The following PCSK6 variants were observed in gnomAD, a reference collection of about 807,000 sequenced individuals.
PCSK6 encodes proprotein convertase subtilisin/kexin type 6, also known as paired basic amino acid cleaving enzyme 4.
A neutral mutation model predicts 123.3 loss-of-function variants in PCSK6; 85 were observed. The ratio of observed to expected loss-of-function variants is 0.69; its 90% CI spans 0.58 to 0.83. PCSK6 has a LOEUF of 0.83. Ranked by LOEUF, PCSK6 falls within the 40% of genes least tolerant of loss-of-function variation. PCSK6 has a pLI of 0.00. For missense variants in PCSK6, 1,191 were observed against 1,282.3 expected (o/e 0.93, Z 1.09); for synonymous variants, 508 against 516.0 (o/e 0.98, Z 0.21).
chr15:101,471,009 C>T (rs993363752), intron 1 of PCSK6, among the ~76,000 whole-genome samples: 1 of 152,156 alleles, frequency 6.6e-6, no homozygotes, highest in African/African-American at 2.4e-5. Flanking sequence ...GGGGTGTCTG[C>T]GGCTTATCTC....
At chr15:101,481,764 G>C (rs1291496728) in intron 1 of PCSK6, among the ~76,000 whole-genome samples, 1 of 152,222 alleles carries the variant, frequency 6.6e-6, no homozygotes, top group Non-Finnish European at 1.5e-5. Flanking sequence ...ACGAGGAGGA[G>C]GTTTCAGCAA....
At chr15:101,384,141 T>C (rs112357349) in intron 10 of PCSK6, 181 bp downstream of exon 10, 9 of 1,405,074 alleles carry the variant, frequency 6.4e-6, no homozygotes, top group African/African-American at 4.3e-5. Flanking sequence ...TCTTCCGTAA[T>C]GTCACTGTGA....
chr15:101,445,259 C>A (rs536104049), intron 1 of PCSK6, among the ~76,000 whole-genome samples: 1 of 152,248 alleles, frequency 6.6e-6, no homozygotes, highest in Admixed American at 6.5e-5. Context: ...TAGCTTTTGG[C>A]CAAATCCAGG....
intron 1 of PCSK6, among the ~76,000 whole-genome samples, chr15:101,478,737 T>C (rs1465129814): frequency 6.6e-6 from 1 of 152,138 alleles, no homozygotes; most frequent in Non-Finnish European, 1.5e-5. Flanking sequence ...CAGGTGACAC[T>C]GGAATCACTC....
At chr15:101,358,906 T>C (rs1471510033) in intron 13 of PCSK6, among the ~76,000 whole-genome samples, 8 of 152,176 alleles carry the variant, frequency 5.3e-5, no homozygotes, top group Admixed American at 5.2e-4. Context: ...GGAGACTCAG[T>C]TGCAACTGCA....
chr15:101,431,881 T>C, intron 3 of PCSK6, 109 bp downstream of exon 3: 2 of 797,188 alleles, frequency 2.5e-6, no homozygotes, highest in South Asian at 3.0e-5. Flanking sequence ...GTGAAGTGTG[T>C]CTGTCTGGAG....
intron 13 of PCSK6, among the ~76,000 whole-genome samples, chr15:101,339,896 C>A (rs994897271): frequency 6.9e-6 from 1 of 145,546 alleles, no homozygotes; most frequent in Admixed American, 7.1e-5. Context: ...GGTGACAGAG[C>A]AAGACCCTTT....
At chr15:101,429,893 A>G in intron 5 of PCSK6, 94 bp downstream of exon 5, 1 of 1,093,138 alleles carries the variant, frequency 9.1e-7, no homozygotes, top group Non-Finnish European at 1.4e-6. Context: ...ATACGCCGGC[A>G]GCCACCGCCT....
At chr15:101,347,666 C>CA in intron 13 of PCSK6, 1 of 1,590,464 alleles carries the variant, frequency 6.3e-7, no homozygotes, top group Non-Finnish European at 8.6e-7. Flanking sequence ...CAAAGGCAGC[C>CA]AAAGTTCTAA....
At chr15:101,489,334 G>T (rs1346996653) in intron 1 of PCSK6, 40 bp downstream of exon 1, 5 of 1,107,138 alleles carry the variant, frequency 4.5e-6, no homozygotes, top group Middle Eastern at 4.2e-4. Context: ...GCCGGAGGCC[G>T]CCGGGAAAGT....
At chr15:101,464,894 G>A (rs570452670) in intron 1 of PCSK6, among the ~76,000 whole-genome samples, 1 of 152,306 alleles carries the variant, frequency 6.6e-6, no homozygotes, top group East Asian at 1.9e-4. Context: ...GGAACTGCGG[G>A]ATCCTGGGTA....
At chr15:101,360,165 A>AT (rs2041170074) in intron 13 of PCSK6, among the ~76,000 whole-genome samples, 1 of 152,250 alleles carries the variant, frequency 6.6e-6, no homozygotes, top group South Asian at 2.1e-4. Context: ...CACTCCACTG[A>AT]TGCTGCCCCG....
intron 13 of PCSK6, among the ~76,000 whole-genome samples, chr15:101,341,572 G>C (rs1004538825): frequency 6.6e-6 from 1 of 152,086 alleles, no homozygotes; most frequent in East Asian, 1.9e-4. Context: ...TAAAAATTTG[G>C]TATTTTTAAA....
At position 101,305,419 on chromosome 15, in the gene PCSK6, G is replaced by A; in HGVS notation, c.2813-64C>T. The A allele has an allele frequency of 7.1e-7, 1 of 1,408,186 alleles. No homozygotes were observed. Among genetic ancestry groups the A allele is most frequent in the Non-Finnish European group, 9.8e-7 (1 of 1,016,604 alleles). 87.2% of individuals were successfully genotyped at this position (1,408,186 alleles called of 1,614,324 possible). A position where few individuals can be genotyped will look rare whatever the true frequency, so the allele number is the denominator to read the frequency against. ...TCAGTCTTCGGTGCCTGTGAAGATT[G>A]TTTCAAGGCCGGGCGCGGTGCCTCA... On this transcript the variant is annotated intron_variant, in intron 21 of 21. Coordinates refer to ENST00000611716, the MANE Select transcript of PCSK6 (RefSeq NM_002570.5). The surrounding 1 kb of genome is among the most constrained non-coding windows in gnomAD (Gnocchi z 4.8).
At chr15:101,409,330 A>C (rs1428140973) in intron 6 of PCSK6, among the ~76,000 whole-genome samples, 1 of 151,978 alleles carries the variant, frequency 6.6e-6, no homozygotes, top group Admixed American at 6.5e-5. Flanking sequence ...TCACGCCTGT[A>C]ATCCCAGCAC....
intron 15 of PCSK6, among the ~76,000 whole-genome samples, chr15:101,327,442 C>A (rs909353650): frequency 6.6e-6 from 1 of 152,184 alleles, no homozygotes; most frequent in Admixed American, 6.5e-5. Flanking sequence ...TGGACTCCTG[C>A]CTACTGCCCA....
In PCSK6 at chr15:101,313,498, G is replaced by A. The variant is rs2039917172; in HGVS notation, c.2577C>T (p.Gly859=). 5 of 1,599,414 alleles carry A rather than the reference G, an allele frequency of 3.1e-6. No homozygotes were observed. The highest frequency in any genetic ancestry group is 4.3e-6 in the Non-Finnish European group (5 of 1,175,790). ...TCGCACAGTGAATGCACTCTTCTCT[G>A]CCTGGCCCTGAGAGACACAGGAAAA... ...HHTCGTCVGP[G]REECIHCAKN... is the part of the protein sequence containing the mutation. Residue 859 remains glycine, a synonymous_variant, in exon 20 of 22, where the codon GGC becomes GGT. Coordinates refer to ENST00000611716, the MANE Select transcript of PCSK6 (RefSeq NM_002570.5).
intron 6 of PCSK6, among the ~76,000 whole-genome samples, chr15:101,410,376 G>A (rs1307337016): frequency 6.6e-6 from 1 of 152,212 alleles, no homozygotes; most frequent in Admixed American, 6.5e-5. Context: ...CAGAAGGGCT[G>A]GGAGGGAAGG....
intron 9 of PCSK6, among the ~76,000 whole-genome samples, chr15:101,387,108 GTC>G (rs981555896): frequency 6.6e-6 from 1 of 152,114 alleles, no homozygotes; most frequent in African/African-American, 2.4e-5. Flanking sequence ...CTTCCTCACC[GTC>G]TCTCCCCGTC....
Sources: gnomAD v4.1 joint callset for allele counts (sites outside exome capture counted in the v4.1 genomes callset) on GRCh38, gnomAD v4.1.1 for gene constraint, Gnocchi (gnomAD v3.1) non-coding constraint, MANE v1.5 for transcripts, NCBI Gene and HGNC (gene_info 2026-07-23, HGNC 2026-07-21) for gene names.